OR8J1: variants seen among roughly 807,000 people sequenced by gnomAD.
OR8J1 encodes olfactory receptor family 8 subfamily J member 1.
For synonymous variants in OR8J1, 157 were observed against 144.3 expected (o/e 1.09, Z -0.63); for missense variants, 400 against 373.0 (o/e 1.07, Z -0.60).
intron 1 of OR8J1, among the ~76,000 whole-genome samples, chr11:56,359,091 T>C (rs561269417): frequency 2.0e-5 from 3 of 152,222 alleles, no homozygotes; most frequent in East Asian, 3.9e-4. Context: ...GTTAACTCTC[T>C]GTAACTTAAC....
chr11:56,357,603 A>G, intron 1 of OR8J1: 1 of 1,259,390 alleles, frequency 7.9e-7, no homozygotes, highest in South Asian at 1.2e-5. Context: ...TGGCCTGACA[A>G]ATTATGCTGC....
intron 1 of OR8J1, chr11:56,357,310 C>G: frequency 3.6e-6 from 2 of 547,972 alleles, no homozygotes; most frequent in Admixed American, 2.6e-5. Flanking sequence ...ATGCGGGCCT[C>G]TCTTCAGCAG....
At chr11:56,357,363 G>C in intron 1 of OR8J1, 2 of 712,946 alleles carry the variant, frequency 2.8e-6, no homozygotes, top group South Asian at 3.0e-5. Context: ...CCTACTTTAA[G>C]AGATATACCA....
intron 1 of OR8J1, 147 bp downstream of exon 1, chr11:56,354,472 T>C (rs1336014255): frequency 2.2e-4 from 34 of 152,218 alleles, no homozygotes; most frequent in Admixed American, 2.2e-3. Flanking sequence ...TAAGTTTGTT[T>C]TTCAGATTTA....
intron 1 of OR8J1, among the ~76,000 whole-genome samples, chr11:56,354,900 A>C (rs140916663): frequency 6.6e-6 from 1 of 152,196 alleles, no homozygotes; most frequent in Non-Finnish European, 1.5e-5. Context: ...ATCTGTTAGC[A>C]TTTTACTTCA....
intron 1 of OR8J1, among the ~76,000 whole-genome samples, chr11:56,356,055 T>A (rs1854963019): frequency 6.6e-6 from 1 of 152,170 alleles, no homozygotes; most frequent in Non-Finnish European, 1.5e-5. Context: ...ATAAATGAGG[T>A]AAAAGCATAT....
rs775064528 is a variant in OR8J1 at position 56,360,749 on chromosome 11, A to T, written c.503A>T (p.Tyr168Phe). 6.9e-6 allele frequency: 11 copies of T among 1,602,228 alleles called. No homozygotes were observed. The South Asian group carries it at 7.8e-5, about 11-fold the overall frequency. Residue 168 changes from tyrosine to phenylalanine, a missense_variant, in exon 2 of 2, where the codon TAT becomes TTT. Coordinates refer to ENST00000533152, the MANE Select transcript of OR8J1 (RefSeq NM_001005205.3). The part of the protein sequence containing the change: ...VVSSYVFSVS[Y>F]CSSNIINHFY... ...TCATCTTATGTATTCTCTGTGTCTTATTGCTCTTCTAATATAATCAATCAT... is the reference window on the plus strand; with the variant it reads ...TCATCTTATGTATTCTCTGTGTCTTTTTGCTCTTCTAATATAATCAATCAT...
At chr11:56,356,774 A>G (rs575382162) in intron 1 of OR8J1, among the ~76,000 whole-genome samples, 1 of 152,334 alleles carries the variant, frequency 6.6e-6, no homozygotes, top group Admixed American at 6.5e-5. Context: ...AACCACATCA[A>G]TATCCTCCAG....
intron 1 of OR8J1, chr11:56,358,199 A>T (rs753272252): frequency 3.3e-6 from 1 of 302,194 alleles, no homozygotes; most frequent in Non-Finnish European, 6.3e-6. Context: ...CTCAGAGCTC[A>T]GGAGCAGGAT....
In OR8J1 at chr11:56,361,247, A is replaced by T. The variant is rs775237310; in HGVS notation, c.*50A>T. 18 of 760,754 alleles carry T rather than the reference A, an allele frequency of 2.4e-5. No individual in the cohort carries two copies. The East Asian group carries it at 5.5e-4, about 23-fold the overall frequency. The allele number at this position is 760,754 out of a possible 1,614,324, so 47.1% of individuals were successfully genotyped here. ...GAGAGAGTTAATATAAGCTGCCATT[A>T]TGTAAAAGAAAATGTAGGAAAAAGA... On this transcript the variant is annotated 3_prime_UTR_variant, in exon 2 of 2. Coordinates refer to ENST00000533152, the MANE Select transcript of OR8J1 (RefSeq NM_001005205.3).
intron 1 of OR8J1, among the ~76,000 whole-genome samples, chr11:56,356,928 G>C (rs1307382289): frequency 1.3e-5 from 2 of 151,950 alleles, no homozygotes; most frequent in Admixed American, 6.6e-5. Flanking sequence ...AGTTACCCCA[G>C]TCAAAATAAA....
rs373924384 is a variant in OR8J1 at position 56,360,956 on chromosome 11, C to T, written c.710C>T (p.Ala237Val). The T allele has an allele frequency of 5.4e-6, 8 of 1,475,500 alleles. No homozygotes were observed. The African/African-American group carries it at 7.2e-5, about 13-fold the overall frequency. 91.4% of individuals were successfully genotyped at this position (1,475,500 alleles called of 1,614,324 possible). The change falls in exon 2 of 2, where the codon GCC (alanine) becomes GTC (valine). Residue 237 changes from alanine to valine, a missense_variant. Coordinates refer to ENST00000533152, the MANE Select transcript of OR8J1 (RefSeq NM_001005205.3). ...TGTTCATCAGAAGGAAGGAAAAAAG[C>T]CTTTTCTACCTGTGCTTCACATATG... ...KICSSEGRKK[A>V]FSTCASHMMA...
intron 1 of OR8J1, among the ~76,000 whole-genome samples, chr11:56,354,870 T>C (rs1031195185): frequency 2.5e-4 from 38 of 152,174 alleles, no homozygotes; most frequent in African/African-American, 8.9e-4. Flanking sequence ...AGTTAAATCA[T>C]CTATCTTATC....
rs999816018 is a variant in OR8J1 at position 56,361,450 on chromosome 11, A to G, written c.*253A>G. Reference sequence around the variant, plus strand: ...GGATTAAGCAGGTAGACAGTTTGAAATAAAAATGGTTTCCAGCAGTTAGAA... The same window carrying G: ...GGATTAAGCAGGTAGACAGTTTGAAGTAAAAATGGTTTCCAGCAGTTAGAA... On this transcript the variant is annotated 3_prime_UTR_variant, in exon 2 of 2. Coordinates refer to ENST00000533152, the MANE Select transcript of OR8J1 (RefSeq NM_001005205.3). 15 of 361,594 alleles carry G rather than the reference A, an allele frequency of 4.1e-5. No individual in the cohort carries two copies. Among genetic ancestry groups the G allele is most frequent in the Non-Finnish European group, 7.4e-5 (15 of 203,986 alleles). The allele number at this position is 361,594 out of a possible 1,614,324, so 22.4% of individuals were successfully genotyped here.
At position 56,355,497 on chromosome 11, in the gene OR8J1, G is replaced by A. The variant is rs140326326; in HGVS notation, c.-21+1172G>A. ...ACAAAAATTAGCTGGATATGGTGGC[G>A]CCCGCCTGTAATCCCAGCTACTAGG... is the stretch of plus-strand genomic sequence containing the variant. On this transcript the variant is annotated intron_variant, in intron 1 of 1. Transcript: ENST00000533152. 8.0e-3 allele frequency among the ~76,000 whole-genome samples: 1,211 copies of A among 151,910 alleles called. 9 individuals carry two copies. Among genetic ancestry groups the A allele is most frequent in the African/African-American group, 0.027 (1,139 of 41,440 alleles).
rs923088808 is a variant in OR8J1 at position 56,361,302 on chromosome 11, A to G, written c.*105A>G. 2.9e-5 allele frequency: 12 copies of G among 416,686 alleles called. No individual in the cohort carries two copies. The highest frequency in any genetic ancestry group is 2.2e-4 in the African/African-American group (11 of 48,936). 25.8% of individuals were successfully genotyped at this position (416,686 alleles called of 1,614,324 possible). A position where few individuals can be genotyped will look rare whatever the true frequency, so the allele number is the denominator to read the frequency against. On this transcript the variant is annotated 3_prime_UTR_variant, in exon 2 of 2. Transcript: ENST00000533152. ...GTAGGTAGCCGAGTTACAGGTTCGT[A>G]AGCAATCATAAGAATTACAACAAGA... is the stretch of plus-strand genomic sequence containing the variant.
At chr11:56,355,392 T>G (rs887146426) in intron 1 of OR8J1, among the ~76,000 whole-genome samples, 1 of 151,958 alleles carries the variant, frequency 6.6e-6, no homozygotes, top group South Asian at 2.1e-4. Context: ...TCCCAGCACT[T>G]TGGGAGGCCG....
intron 1 of OR8J1, among the ~76,000 whole-genome samples, chr11:56,357,105 C>T (rs1035830431): frequency 9.2e-5 from 14 of 152,132 alleles, no homozygotes; most frequent in African/African-American, 3.4e-4. Context: ...CCCATATCAA[C>T]CTCTAAACTC....
rs200309992 is a variant in OR8J1 at position 56,360,789 on chromosome 11, T to C, written c.543T>C (p.Asn181=). ...TAATCAATCATTTTTACTGTGATAATGTTCCTCTGTTAGCATTATCTTGCT... is the reference window on the plus strand; with the variant it reads ...TAATCAATCATTTTTACTGTGATAACGTTCCTCTGTTAGCATTATCTTGCT... ...SNIINHFYCD[N]VPLLALSCSD... is the part of the protein sequence containing the mutation. The change falls in exon 2 of 2, where the codon AAT becomes AAC. Residue 181 remains asparagine, a synonymous_variant. Coordinates refer to ENST00000533152, the MANE Select transcript of OR8J1 (RefSeq NM_001005205.3). 3.8e-6 allele frequency: 6 copies of C among 1,575,218 alleles called. No individual in the cohort carries two copies. In the South Asian group the frequency reaches 6.0e-5, roughly 16 times the overall value.
Sources: gnomAD v4.1 joint callset for allele counts (sites outside exome capture counted in the v4.1 genomes callset) on GRCh38, gnomAD v4.1.1 for gene constraint, MANE v1.5 for transcripts, NCBI Gene and HGNC (gene_info 2026-07-23, HGNC 2026-07-21) for gene names.